The following PLEKHG1 variants were observed in gnomAD, a reference collection of about 807,000 sequenced individuals.
PLEKHG1 encodes pleckstrin homology and RhoGEF domain containing G1, also known as pleckstrin homology domain-containing family G member 1.
In PLEKHG1, 44 loss-of-function variants were observed where a neutral mutation model predicts 100.8. That is an observed-to-expected ratio of 0.44 (90% CI 0.34 to 0.56). PLEKHG1 has a LOEUF of 0.56. Ranked by LOEUF, PLEKHG1 falls within the 20% of genes least tolerant of loss-of-function variation. PLEKHG1 has a pLI of 0.01. For missense variants in PLEKHG1, 1,545 were observed against 1,720.9 expected (o/e 0.90, Z 1.81); for synonymous variants, 640 against 662.5 (o/e 0.97, Z 0.52).
At chr6:150,776,574 T>A (rs1276285893) in intron 3 of PLEKHG1, among the ~76,000 whole-genome samples, 6 of 137,504 alleles carry the variant, frequency 4.4e-5, no homozygotes, top group Admixed American at 7.2e-5. Context: ...CTGGTGCACA[T>A]GTGCAGTTGC....
At chr6:150,799,773 T>C (rs1786578182) in intron 5 of PLEKHG1, among the ~76,000 whole-genome samples, 1 of 152,242 alleles carries the variant, frequency 6.6e-6, no homozygotes, top group African/African-American at 2.4e-5. Flanking sequence ...AGCCTTATTT[T>C]GTTGTTTGGC....
At chr6:150,644,987 A>G (rs994353526) in intron 2 of PLEKHG1, among the ~76,000 whole-genome samples, 1 of 152,340 alleles carries the variant, frequency 6.6e-6, no homozygotes, top group African/African-American at 2.4e-5. Flanking sequence ...TGGAACTTAC[A>G]TTAATTCTAA....
intron 3 of PLEKHG1, among the ~76,000 whole-genome samples, chr6:150,684,988 C>G (rs551291601): frequency 1.4e-4 from 22 of 152,252 alleles, no homozygotes; most frequent in Non-Finnish European, 3.1e-4. Context: ...GATAGAGGCT[C>G]TCTTCAACTC....
At chr6:150,620,118 TTTTA>T (rs770364915) in intron 1 of PLEKHG1, among the ~76,000 whole-genome samples, 8 of 152,358 alleles carry the variant, frequency 5.3e-5, no homozygotes, top group South Asian at 2.1e-4. Context: ...TTGTGTTTAT[TTTTA>T]TTGTGTTTAT....
At chr6:150,634,180 G>A (rs1176358562) in intron 1 of PLEKHG1, among the ~76,000 whole-genome samples, 1 of 150,330 alleles carries the variant, frequency 6.7e-6, no homozygotes, top group Non-Finnish European at 1.5e-5. Flanking sequence ...GGAGGCAGAG[G>A]TTGCAGTGAG....
intron 3 of PLEKHG1, among the ~76,000 whole-genome samples, chr6:150,710,697 A>G (rs1293841456): frequency 1.3e-5 from 2 of 152,196 alleles, no homozygotes; most frequent in East Asian, 1.9e-4. Flanking sequence ...CAGAAAAAAA[A>G]AATCTAGGTT....
intron 3 of PLEKHG1, among the ~76,000 whole-genome samples, chr6:150,786,039 T>C (rs1233478455): frequency 6.6e-6 from 1 of 151,692 alleles, no homozygotes; most frequent in African/African-American, 2.4e-5. Context: ...CACTGATGTG[T>C]TCCTAGTACA....
chr6:150,837,840 G>GTAT (rs1287249333), intron 15 of PLEKHG1, among the ~76,000 whole-genome samples: 1 of 152,248 alleles, frequency 6.6e-6, no homozygotes, highest in African/African-American at 2.4e-5. Context: ...ACCCTAATTA[G>GTAT]TATTAAGAGT....
At chr6:150,692,817 A>G (rs1418980589) in intron 3 of PLEKHG1, among the ~76,000 whole-genome samples, 1 of 152,192 alleles carries the variant, frequency 6.6e-6, no homozygotes, top group African/African-American at 2.4e-5. Flanking sequence ...TCAAACTGAA[A>G]TTAATTAGTT....
intron 1 of PLEKHG1, among the ~76,000 whole-genome samples, chr6:150,633,678 G>A (rs1582849846): frequency 6.6e-6 from 1 of 152,202 alleles, no homozygotes; most frequent in African/African-American, 2.4e-5. Context: ...GAAGGAGAGG[G>A]TCAGAAACAG....
intron 2 of PLEKHG1, among the ~76,000 whole-genome samples, chr6:150,763,500 A>G (rs570718841): frequency 6.6e-6 from 1 of 152,322 alleles, no homozygotes; most frequent in East Asian, 1.9e-4. Flanking sequence ...CTAGGCCAAA[A>G]GTAGGCCTGT....
Position 150,675,895 on chromosome 6 carries a change from T to C in PLEKHG1, c.-99+25109T>C, listed in dbSNP as rs1264592683. On this transcript the variant is annotated intron_variant, in intron 3 of 3. Transcript: ENST00000367326. Reference sequence around the variant, plus strand: ...ACTGTATAAACATTTATTGCAGATATCATTAAATACCTACAAAACATAGAT... The same window carrying C: ...ACTGTATAAACATTTATTGCAGATACCATTAAATACCTACAAAACATAGAT... Among the ~76,000 whole-genome samples the C allele has an allele frequency of 2.0e-5, 3 of 152,224 alleles. No individual in the cohort carries two copies. The East Asian group carries it at 5.8e-4, about 29-fold the overall frequency.
chr6:150,767,691 G>A (rs1180273717), intron 2 of PLEKHG1, among the ~76,000 whole-genome samples: 1 of 152,178 alleles, frequency 6.6e-6, no homozygotes, highest in Non-Finnish European at 1.5e-5. Flanking sequence ...ATTGGAATGC[G>A]GCTGCGGTGC....
rs1279718880 is a variant in PLEKHG1, at chr6:150,831,546, T to C, written c.2435T>C (p.Leu812Pro). 6.2e-7 allele frequency: 1 copy of C among 1,614,188 alleles called. No individual in the cohort carries two copies. Among genetic ancestry groups the C allele is most frequent in the South Asian group, 1.1e-5 (1 of 91,080 alleles). ...CCCGATCATGGTTATCTGAGTTTGCTGTATGACTCTCCCAGTGGTAACTTG... is the reference window on the plus strand; with the variant it reads ...CCCGATCATGGTTATCTGAGTTTGCCGTATGACTCTCCCAGTGGTAACTTG... The change falls in exon 15 of 16, where the codon CTG (leucine) becomes CCG (proline). Residue 812 changes from leucine (L) to proline (P), a missense_variant. Coordinates refer to ENST00000358517, the Ensembl canonical transcript of PLEKHG1. This position sits in a 1 kb window ranked among gnomAD's most constrained non-coding sequence, Gnocchi z 4.1.
intron 11 of PLEKHG1, among the ~76,000 whole-genome samples, chr6:150,819,407 A>G: frequency 6.6e-6 from 1 of 151,892 alleles, no homozygotes; most frequent in African/African-American, 2.4e-5. Context: ...TCTACTAAAA[A>G]TACAAAAATT....
intron 3 of PLEKHG1, among the ~76,000 whole-genome samples, chr6:150,661,431 A>C (rs55792107): frequency 0.095 from 14,505 of 152,234 alleles, 893 homozygotes; most frequent in East Asian, 0.18. Flanking sequence ...TTTTTTTCCC[A>C]AAAGTTCATT....
At chr6:150,834,681 C>T (rs1268536932) in intron 15 of PLEKHG1, among the ~76,000 whole-genome samples, 1 of 152,024 alleles carries the variant, frequency 6.6e-6, no homozygotes, top group Non-Finnish European at 1.5e-5. Flanking sequence ...TTTGTTTTGC[C>T]TGCTGGTGTT....
At chr6:150,645,558 A>G (rs896382334) in intron 2 of PLEKHG1, among the ~76,000 whole-genome samples, 1 of 152,246 alleles carries the variant, frequency 6.6e-6, no homozygotes, top group Admixed American at 6.5e-5. Flanking sequence ...ACAAATTCAT[A>G]AGCAGAAGAC....
chr6:150,789,616 T>C (rs536335836), intron 4 of PLEKHG1, among the ~76,000 whole-genome samples: 1 of 152,346 alleles, frequency 6.6e-6, no homozygotes, highest in East Asian at 1.9e-4. Context: ...GTCAACCTAA[T>C]TTCATTGAAA....
Sources: allele counts gnomAD v4.1 joint callset (sites outside exome capture counted in the v4.1 genomes callset), GRCh38; gene constraint gnomAD v4.1.1; non-coding constraint Gnocchi (gnomAD v3.1); transcripts MANE v1.5; gene names NCBI Gene and HGNC (gene_info 2026-07-23, HGNC 2026-07-21).